Variants in HDGF observed in about 807,000 individuals in gnomAD.
HDGF encodes the protein hepatoma-derived growth factor.
HDGF carries 5 observed loss-of-function variants against 30.0 expected under a neutral mutation model. The observed-to-expected ratio is 0.17, with a 90% CI of 0.09 to 0.35. The LOEUF is 0.35. HDGF is among the 10% of genes least tolerant of loss of function. The probability of loss-of-function intolerance (pLI) is 1.00; values close to 1 mark genes in which losing one functional copy is unlikely to be tolerated. For synonymous variants in HDGF, 133 were observed against 112.7 expected (o/e 1.18, Z -1.14); for missense variants, 214 against 302.8 (o/e 0.71, Z 2.18).
upstream of HDGF, chr1:156,755,626 C>T (rs1558039070): frequency 6.6e-6 from 1 of 152,246 alleles, no homozygotes; most frequent in Non-Finnish European, 1.5e-5. Flanking sequence ...CACTGTGTGA[C>T]CTACTCACAT....
intron 1 of HDGF, among the ~76,000 whole-genome samples, chr1:156,746,248 A>G (rs531493103): frequency 1.3e-5 from 2 of 152,218 alleles, no homozygotes; most frequent in Non-Finnish European, 2.9e-5. Flanking sequence ...TCTGGACTAG[A>G]CCAGCCCCAA....
rs1010528584 is a variant in HDGF, at chr1:156,751,200, T to C, written c.87+143A>G. ...CCATTATATAACCGGCGGGTGGGCT[T>C]GGAAGCGACAGAGAAAGAGCCGGAG... On this transcript the variant is annotated intron_variant, in intron 1 of 5. Coordinates refer to ENST00000357325, the MANE Select transcript of HDGF (RefSeq NM_004494.3). This position sits in a 1 kb window ranked among gnomAD's most constrained non-coding sequence, Gnocchi z 4.7. The C allele has an allele frequency of 1.1e-5, 13 of 1,146,854 alleles. No homozygotes were observed. The highest frequency in any genetic ancestry group is 3.3e-4 in the Middle Eastern group (1 of 2,988). The allele number at this position is 1,146,854 out of a possible 1,614,324, so 71.0% of individuals were successfully genotyped here.
chr1:156,744,828 C>T (rs1212540277), intron 3 of HDGF, among the ~76,000 whole-genome samples, 180 bp downstream of exon 3: 1 of 152,152 alleles, frequency 6.6e-6, no homozygotes, highest in Non-Finnish European at 1.5e-5. Context: ...ACCACAACTA[C>T]ACCACACAGC....
At chr1:156,744,850 C>T (rs1325237062) in intron 3 of HDGF, among the ~76,000 whole-genome samples, 158 bp downstream of exon 3, 1 of 152,128 alleles carries the variant, frequency 6.6e-6, no homozygotes, top group Non-Finnish European at 1.5e-5. Flanking sequence ...CAACCCTATC[C>T]CTTCTTGCAG....
upstream of HDGF, among the ~76,000 whole-genome samples, chr1:156,752,891 T>C (rs1397312824): frequency 1.3e-5 from 2 of 152,218 alleles, no homozygotes; most frequent in African/African-American, 4.8e-5. Flanking sequence ...CCACGTTTCC[T>C]GATCCTATTT....
At chr1:156,752,131 C>T (rs750397944), upstream of HDGF, 3 of 1,551,554 alleles carry the variant, frequency 1.9e-6, no homozygotes, top group South Asian at 1.2e-5. Flanking sequence ...TACTGGGCAC[C>T]CGCGGTTCTT....
At chr1:156,762,448 A>C (rs1651266806) in intron 1 of HDGF, among the ~76,000 whole-genome samples, 1 of 152,070 alleles carries the variant, frequency 6.6e-6, no homozygotes, top group Non-Finnish European at 1.5e-5. Flanking sequence ...TGTTTGTTTT[A>C]TCTCTATTAC....
intron 1 of HDGF, among the ~76,000 whole-genome samples, chr1:156,764,347 G>C (rs1010984631): frequency 6.6e-6 from 1 of 151,978 alleles, no homozygotes; most frequent in African/African-American, 2.4e-5. Context: ...TCCTGCCTCA[G>C]CCTCCTGAGT....
rs143115185 is a variant in HDGF, at chr1:156,743,611, C to G, written c.716+41G>C. 50 of 1,560,124 alleles carry G rather than the reference C, an allele frequency of 3.2e-5. No individual in the cohort carries two copies. The Admixed American group carries it at 7.8e-4, about 24-fold the overall frequency. On this transcript the variant is annotated intron_variant, in intron 5 of 5. Coordinates refer to ENST00000357325, the MANE Select transcript of HDGF (RefSeq NM_004494.3). ...TCCTCTTCTCCGAGAGTGGCCGGTCCCCCCTAGTCCAGCTGCCAAGGGGTC... is the reference window on the plus strand; with the variant it reads ...TCCTCTTCTCCGAGAGTGGCCGGTCGCCCCTAGTCCAGCTGCCAAGGGGTC...
At chr1:156,744,476 G>T in intron 3 of HDGF, 128 bp from the exon 4 acceptor site, 1 of 1,307,510 alleles carries the variant, frequency 7.6e-7, no homozygotes, top group Non-Finnish European at 1.1e-6. Flanking sequence ...CAGGTGCCCA[G>T]TCTCACGAGT....
At chr1:156,758,608 T>TAAATAAAAA (rs1553251127) in intron 2 of HDGF, among the ~76,000 whole-genome samples, 4 of 92,016 alleles carry the variant, frequency 4.3e-5, no homozygotes, top group Admixed American at 1.3e-4. Flanking sequence ...AAAAAATAAA[T>TAAATAAAAA]AAATAAATAA....
Position 156,748,335 on chromosome 1 carries a change from T to A in HDGF, c.88-2962A>T, listed in dbSNP as rs557494114. ...CTTCCTAGATGTAGAGGTTATGAGG[T>A]CTCAGGGCAGCCCTGTACCCCAATA... On this transcript the variant is annotated intron_variant, in intron 1 of 5. Coordinates refer to ENST00000357325, the MANE Select transcript of HDGF (RefSeq NM_004494.3). 4.6e-5 allele frequency among the ~76,000 whole-genome samples: 7 copies of A among 152,226 alleles called. No homozygotes were observed. In the South Asian group the frequency reaches 1.5e-3, roughly 32 times the overall value.
At chr1:156,759,184 A>G (rs1651202455) in exon 2 of HDGF, 1 of 152,140 alleles carries the variant, frequency 6.6e-6, no homozygotes, top group Non-Finnish European at 1.5e-5. Flanking sequence ...ATCTGGTTTA[A>G]CGTTTTGTGT....
At chr1:156,763,960 C>CAT (rs1411634261) in intron 1 of HDGF, among the ~76,000 whole-genome samples, 16 of 146,864 alleles carry the variant, frequency 1.1e-4, no homozygotes, top group East Asian at 1.0e-3. Flanking sequence ...TGCAGTGGTG[C>CAT]GATCTCAGCT....
chr1:156,750,506 T>G (rs1650889561), intron 1 of HDGF: 1 of 152,402 alleles, frequency 6.6e-6, no homozygotes, highest in South Asian at 2.1e-4. Context: ...CTGGCTGAAT[T>G]AACCACATGG....
At chr1:156,745,252 C>A (rs1432813955) in intron 2 of HDGF, 45 bp downstream of exon 2, 2 of 1,609,240 alleles carry the variant, frequency 1.2e-6, no homozygotes, top group South Asian at 2.2e-5. Context: ...CCAGAGTAGT[C>A]CTCCCGGGGC....
At chr1:156,751,878 T>A, upstream of HDGF, 1 of 926,700 alleles carries the variant, frequency 1.1e-6, no homozygotes, top group Non-Finnish European at 1.5e-6. The surrounding 1 kb of genome is among the most constrained non-coding windows in gnomAD (Gnocchi z 4.7). Flanking sequence ...CGGAGCCGCC[T>A]GACGGCGCGT....
rs1420308765 is a variant in HDGF, at chr1:156,743,633, G to C, written c.716+19C>G. 3 of 1,592,404 alleles carry C rather than the reference G, an allele frequency of 1.9e-6. No individual in the cohort carries two copies. The South Asian group carries it at 3.3e-5, about 18-fold the overall frequency. On this transcript the variant is annotated intron_variant, in intron 5 of 5. Transcript: ENST00000357325. ...GTCCCCCCTAGTCCAGCTGCCAAGG[G>C]GTCAGGGGGCTCACTCACCTCTCAT...
chr1:156,742,852 T>C lies in HDGF; in HGVS notation c.*597A>G, dbSNP rs1163178943. On this transcript the variant is annotated 3_prime_UTR_variant, in exon 6 of 6. Transcript: ENST00000357325. ...TCGGCAAAAGGAAAAATGGGTGTTG[T>C]CAATCATCAAGGATTTATGGAAAGG... 6.5e-6 allele frequency: 1 copy of C among 154,788 alleles called. No individual in the cohort carries two copies. The highest frequency in any genetic ancestry group is 1.5e-5 in the Non-Finnish European group (1 of 68,216). 9.6% of individuals were successfully genotyped at this position (154,788 alleles called of 1,614,324 possible). A position where few individuals can be genotyped will look rare whatever the true frequency, so the allele number is the denominator to read the frequency against.
Sources: allele counts gnomAD v4.1 joint callset (sites outside exome capture counted in the v4.1 genomes callset), GRCh38; gene constraint gnomAD v4.1.1; non-coding constraint Gnocchi (gnomAD v3.1); transcripts MANE v1.5; gene names NCBI Gene and HGNC (gene_info 2026-07-23, HGNC 2026-07-21).